The following CDCP1 variants were observed in gnomAD, a reference collection of about 807,000 sequenced individuals.
CDCP1 encodes the protein CUB domain containing protein 1.
CDCP1 carries 29 observed loss-of-function variants against 60.2 expected under a neutral mutation model. The observed-to-expected ratio is 0.48, with a 90% CI of 0.36 to 0.66. The LOEUF (loss-of-function observed/expected upper bound fraction) is 0.66, where lower values mean the gene tolerates loss of function less well. Ranked by LOEUF, CDCP1 falls within the 30% of genes least tolerant of loss-of-function variation. CDCP1 has a pLI of 0.00. For synonymous variants in CDCP1, 387 were observed against 431.1 expected, an observed-to-expected ratio of 0.90 and a Z score of 1.27; for missense variants, 876 against 1,074.3, an observed-to-expected ratio of 0.82 and a Z score of 2.58.
At chr3:45,115,901 A>G (rs932137123) in intron 2 of CDCP1, among the ~76,000 whole-genome samples, 2 of 152,104 alleles carry the variant, frequency 1.3e-5, no homozygotes, top group Non-Finnish European at 2.9e-5. Flanking sequence ...TTTTCCTATC[A>G]AGGAACATGG....
rs6805365 is a variant in CDCP1 at position 45,104,037 on chromosome 3, C to T, written c.1024+6436G>A. ...GAGCACTCCATAAGAGTTCTGTTGC[C>T]GTCCATTCTCACCATCATTTGATGT... On this transcript the variant is annotated intron_variant, in intron 4 of 8. Transcript: ENST00000296129. Among the ~76,000 whole-genome samples, 732 of 152,306 alleles carry T rather than the reference C, an allele frequency of 4.8e-3. 6 individuals carry two copies. The highest frequency in any genetic ancestry group is 0.016 in the African/African-American group (665 of 41,576).
intron 4 of CDCP1, chr3:45,110,221 TA>T: frequency 3.7e-6 from 5 of 1,363,420 alleles, no homozygotes; most frequent in Non-Finnish European, 4.7e-6. Context: ...ATGCCTTCGT[TA>T]AAAACAATTT....
intron 4 of CDCP1, chr3:45,110,218 C>G (rs995460495): frequency 7.4e-6 from 10 of 1,354,466 alleles, no homozygotes; most frequent in Non-Finnish European, 9.5e-6. Context: ...TCAATGCCTT[C>G]GTTAAAAACA....
At chr3:45,125,785 G>A (rs1206482294) in intron 1 of CDCP1, among the ~76,000 whole-genome samples, 1 of 152,202 alleles carries the variant, frequency 6.6e-6, no homozygotes, top group Non-Finnish European at 1.5e-5. Context: ...ACTTAAGGAA[G>A]CAAGTATGAG....
At chr3:45,086,903 G>A (rs764607105) in intron 8 of CDCP1, among the ~76,000 whole-genome samples, 8 of 152,334 alleles carry the variant, frequency 5.3e-5, no homozygotes, top group East Asian at 3.9e-4. Context: ...CTCAATTAGC[G>A]TAATGGGCCA....
At chr3:45,089,966 C>A (rs1047692070) in intron 7 of CDCP1, among the ~76,000 whole-genome samples, 1 of 152,080 alleles carries the variant, frequency 6.6e-6, no homozygotes, top group Non-Finnish European at 1.5e-5. Flanking sequence ...GAGGGGGAAC[C>A]CTGTACCAAA....
chr3:45,145,681 A>G (rs541647446), intron 1 of CDCP1, among the ~76,000 whole-genome samples: 22 of 152,116 alleles, frequency 1.4e-4, no homozygotes, highest in Middle Eastern at 3.4e-3. Flanking sequence ...TGCGGACGGG[A>G]AAAAGGGGAT....
chr3:45,093,787 C>T, intron 5 of CDCP1, 130 bp from the exon 6 acceptor site: 1 of 1,029,970 alleles, frequency 9.7e-7, no homozygotes, highest in East Asian at 2.4e-5. Flanking sequence ...TCTTCTCCCA[C>T]CCTGCCCTCT....
intron 1 of CDCP1, among the ~76,000 whole-genome samples, chr3:45,135,308 A>C (rs544395273): frequency 3.1e-4 from 47 of 152,110 alleles, no homozygotes; most frequent in South Asian, 2.5e-3. Flanking sequence ...AAAAAAAAAA[A>C]AACAAAAAAC....
At chr3:45,107,014 AG>A (rs1164032265) in intron 4 of CDCP1, among the ~76,000 whole-genome samples, 1 of 152,126 alleles carries the variant, frequency 6.6e-6, no homozygotes, top group African/African-American at 2.4e-5. Flanking sequence ...CCTCCTGCAC[AG>A]CCTGAGAAGG....
chr3:45,137,691 G>T (rs554887683), intron 1 of CDCP1, among the ~76,000 whole-genome samples: 1 of 149,866 alleles, frequency 6.7e-6, no homozygotes, highest in Non-Finnish European at 1.5e-5. Flanking sequence ...ATGGTGGCAC[G>T]TGCCTGTAAT....
At chr3:45,137,252 C>A (rs183075078) in intron 1 of CDCP1, among the ~76,000 whole-genome samples, 1 of 152,234 alleles carries the variant, frequency 6.6e-6, no homozygotes, top group Non-Finnish European at 1.5e-5. Flanking sequence ...ATGTACTGTT[C>A]TGATCCTTGT....
intron 1 of CDCP1, among the ~76,000 whole-genome samples, chr3:45,124,404 C>G (rs954654029): frequency 6.6e-6 from 1 of 152,204 alleles, no homozygotes; most frequent in African/African-American, 2.4e-5. Flanking sequence ...TTCACCTTCT[C>G]TGTCCAAGGA....
At chr3:45,125,245 G>A (rs559443145) in intron 1 of CDCP1, among the ~76,000 whole-genome samples, 63 of 152,222 alleles carry the variant, frequency 4.1e-4, no homozygotes, top group Non-Finnish European at 8.2e-4. Flanking sequence ...TTTTGTTTGG[G>A]TGGGTAGAGG....
chr3:45,142,546 G>T (rs1445305056), intron 1 of CDCP1, among the ~76,000 whole-genome samples: 1 of 152,184 alleles, frequency 6.6e-6, no homozygotes, highest in Non-Finnish European at 1.5e-5. Context: ...GAGCCTGGGA[G>T]AATGTGAGAA....
In CDCP1 at chr3:45,110,518, G is replaced by A. The variant is rs772240910; in HGVS notation, c.979C>T (p.Arg327Trp). ...DQDAQSPGIL[R>W]LQFQVLVQHP... is the part of the protein sequence containing the mutation. ...TGGACCAAAACTTGGAACTGCAGCC[G>A]GAGGATCCCTGGACTTTGGGCATCT... Residue 327 changes from arginine (R) to tryptophan (W), a missense_variant, in exon 4 of 9, where the codon CGG (arginine) becomes TGG (tryptophan). Arg to Trp is a moderately radical substitution (Grantham distance 101). This residue lies in a region of CDCP1 where 726 missense variants were observed against 935.7 expected (regional missense o/e 0.78). Transcript: ENST00000296129. The A allele has an allele frequency of 5.6e-6, 9 of 1,614,088 alleles. No individual in the cohort carries two copies. Among genetic ancestry groups the A allele is most frequent in the East Asian group, 2.2e-5 (1 of 44,894 alleles).
chr3:45,103,537 T>C (rs1279700245), intron 4 of CDCP1, among the ~76,000 whole-genome samples: 1 of 152,234 alleles, frequency 6.6e-6, no homozygotes, highest in Non-Finnish European at 1.5e-5. Flanking sequence ...GAATATAGCT[T>C]GTCCCCACCC....
chr3:45,113,013 C>T (rs960642515), intron 2 of CDCP1, among the ~76,000 whole-genome samples: 1 of 152,234 alleles, frequency 6.6e-6, no homozygotes, highest in African/African-American at 2.4e-5. Context: ...ACTGTGATTT[C>T]CAGATTAAGT....
intron 1 of CDCP1, among the ~76,000 whole-genome samples, chr3:45,119,904 T>C (rs1387096913): frequency 6.6e-6 from 1 of 152,260 alleles, no homozygotes; most frequent in African/African-American, 2.4e-5. Context: ...GAGTTTGTCC[T>C]GCTCTGGACC....
Sources: gnomAD v4.1 joint callset for allele counts (sites outside exome capture counted in the v4.1 genomes callset) on GRCh38, gnomAD v4.1.1 for gene constraint, gnomAD v4.1.1 regional missense constraint, MANE v1.5 for transcripts, NCBI Gene and HGNC (gene_info 2026-07-23, HGNC 2026-07-21) for gene names.